The following ANKFN1 variants were observed in gnomAD, a reference collection of about 807,000 sequenced individuals.
ANKFN1 encodes the protein ankyrin repeat and fibronectin type-III domain-containing protein 1.
A neutral mutation model predicts 108.7 loss-of-function variants in ANKFN1; 74 were observed. The observed-to-expected ratio is 0.68, with a 90% CI of 0.56 to 0.83. The LOEUF is 0.83. Ranked by LOEUF, ANKFN1 falls within the 40% of genes least tolerant of loss-of-function variation. The pLI is 0.00. For synonymous variants in ANKFN1, 547 were observed against 516.2 expected (o/e 1.06, Z -0.81); for missense variants, 1,505 against 1,382.3 (o/e 1.09, Z -1.41).
intron 4 of ANKFN1, among the ~76,000 whole-genome samples, chr17:56,344,158 A>G (rs985809764): frequency 6.6e-6 from 1 of 151,982 alleles, no homozygotes; most frequent in African/African-American, 2.4e-5. Context: ...AGTTTTCTTG[A>G]AAACTAAGCA....
At chr17:56,482,887 C>T (rs1272070982) in intron 18 of ANKFN1, among the ~76,000 whole-genome samples, 1 of 152,022 alleles carries the variant, frequency 6.6e-6, no homozygotes, top group African/African-American at 2.4e-5. Flanking sequence ...TCTTTTTCCC[C>T]TTCCCTCTCT....
chr17:56,083,839 T>G (rs1567783551), intron 4 of ANKFN1, among the ~76,000 whole-genome samples: 1 of 151,530 alleles, frequency 6.6e-6, no homozygotes, highest in South Asian at 2.1e-4. Context: ...GAACTATGAA[T>G]AGCACTTGCC....
At chr17:56,212,230 T>C (rs1432016114) in intron 1 of ANKFN1, among the ~76,000 whole-genome samples, 3 of 152,154 alleles carry the variant, frequency 2.0e-5, no homozygotes, top group Non-Finnish European at 4.4e-5. Context: ...ATGATTTTGC[T>C]GAGGGTTTTA....
At chr17:56,333,881 T>G (rs1474135117) in intron 4 of ANKFN1, among the ~76,000 whole-genome samples, 1 of 152,110 alleles carries the variant, frequency 6.6e-6, no homozygotes, top group African/African-American at 2.4e-5. Flanking sequence ...TAATATCTCC[T>G]AAAGCCTGGT....
chr17:56,398,331 G>C (rs1220625545), intron 8 of ANKFN1, among the ~76,000 whole-genome samples: 4 of 152,086 alleles, frequency 2.6e-5, no homozygotes, highest in African/African-American at 9.7e-5. Flanking sequence ...TCTCAGTAAA[G>C]AAAACACATT....
At chr17:56,150,192 A>T (rs186737572), upstream of ANKFN1, among the ~76,000 whole-genome samples, 440 of 152,328 alleles carry the variant, frequency 2.9e-3, 2 homozygotes, top group Admixed American at 5.2e-3. Context: ...CAGCCCAGAA[A>T]CTAGATGTGG....
chr17:56,490,182 A>G (rs2145411304), intron 18 of ANKFN1, among the ~76,000 whole-genome samples: 1 of 152,364 alleles, frequency 6.6e-6, no homozygotes, highest in Admixed American at 6.5e-5. Flanking sequence ...AAGGCAGTAA[A>G]GTAAACACAT....
At chr17:56,256,121 T>C (rs1455788850) in intron 3 of ANKFN1, among the ~76,000 whole-genome samples, 1 of 152,206 alleles carries the variant, frequency 6.6e-6, no homozygotes, top group Non-Finnish European at 1.5e-5. Context: ...CTGAATTCCT[T>C]CATTTTCTAG....
At chr17:56,205,619 T>G (rs1914468788) in intron 1 of ANKFN1, among the ~76,000 whole-genome samples, 1 of 152,232 alleles carries the variant, frequency 6.6e-6, no homozygotes, top group South Asian at 2.1e-4. Context: ...TAACGAAAAG[T>G]GATACTATAG....
At chr17:56,341,554 T>C (rs930625814) in intron 4 of ANKFN1, among the ~76,000 whole-genome samples, 5 of 152,262 alleles carry the variant, frequency 3.3e-5, no homozygotes, top group African/African-American at 9.6e-5. Flanking sequence ...TTTCATCTAT[T>C]GAGATAATCA....
chr17:56,208,430 G>A (rs1335239218), intron 1 of ANKFN1, among the ~76,000 whole-genome samples: 1 of 152,104 alleles, frequency 6.6e-6, no homozygotes, highest in African/African-American at 2.4e-5. Context: ...CCCCCTCCCT[G>A]CCCCTCAAAA....
At chr17:56,108,196 C>T (rs1007999679) in intron 4 of ANKFN1, among the ~76,000 whole-genome samples, 9 of 152,104 alleles carry the variant, frequency 5.9e-5, no homozygotes, top group Non-Finnish European at 8.8e-5. Context: ...CCACCATGCC[C>T]GGCTAATTTT....
At chr17:56,270,299 C>G (rs2043759929) in intron 3 of ANKFN1, among the ~76,000 whole-genome samples, 1 of 152,168 alleles carries the variant, frequency 6.6e-6, no homozygotes, top group Non-Finnish European at 1.5e-5. Context: ...TTGCCCATGA[C>G]CAGGCCCATG....
chr17:56,231,043 G>A (rs529739027), intron 3 of ANKFN1, among the ~76,000 whole-genome samples: 72 of 152,116 alleles, frequency 4.7e-4, no homozygotes, highest in Non-Finnish European at 8.2e-4. Flanking sequence ...ATTGCATGGT[G>A]TGGCTAGGAT....
In ANKFN1 at chr17:56,189,179, T is replaced by TTTTTTTTTTGTTTTTTTTTG. The variant is rs1555607727; in HGVS notation, c.-70-23409_-70-23408insTTTTTTTTTGTTTTTTTTTG. Among the ~76,000 whole-genome samples, 139 of 111,376 alleles carry TTTTTTTTTTGTTTTTTTTTG rather than the reference T, an allele frequency of 1.2e-3. 10 individuals carry two copies. Among genetic ancestry groups the TTTTTTTTTTGTTTTTTTTTG allele is most frequent in the African/African-American group, 5.9e-3 (121 of 20,396 alleles). 73.1% of individuals were successfully genotyped at this position (111,376 alleles called of 152,430 possible). ...GTAAATGTTGCCCTGACTTTTTTTT[T>TTTTTTTTTTGTTTTTTTTTG]TTTTTTTTTGAGACGGAGTCTCGCT... is the stretch of plus-strand genomic sequence containing the variant. On this transcript the variant is annotated intron_variant, in intron 1 of 20. Coordinates refer to ENST00000682825, the MANE Select transcript of ANKFN1 (RefSeq NM_001370326.1).
chr17:56,360,546 A>G (rs919960318), intron 6 of ANKFN1, among the ~76,000 whole-genome samples: 1 of 152,090 alleles, frequency 6.6e-6, no homozygotes, highest in Non-Finnish European at 1.5e-5. Flanking sequence ...AAAGGACAGC[A>G]CCTCTCTCAT....
chr17:56,351,443 A>C (rs1226022166), intron 5 of ANKFN1, among the ~76,000 whole-genome samples: 1 of 112,816 alleles, frequency 8.9e-6, no homozygotes, highest in Non-Finnish European at 2.1e-5. Context: ...AGTAAGGGAA[A>C]AATATAAAAA....
In ANKFN1 at chr17:56,326,337, C is replaced by A. The variant is rs570672266; in HGVS notation, c.170C>A (p.Ala57Asp). ...TTACCAACAACTTGTTCCTCTGCTG[C>A]CTCGAACAGCATAAACTGGTAAGTC... ...GQLPTTCSSA[A>D]SNSINWNCRV... The change falls in exon 4 of 21, where the codon GCC (alanine) becomes GAC (aspartate). Residue 57 changes from alanine to aspartate, a missense_variant. By Grantham distance (126) the Ala-to-Asp change is moderately radical. Coordinates refer to ENST00000682825, the MANE Select transcript of ANKFN1 (RefSeq NM_001370326.1). The A allele has an allele frequency of 6.2e-7, 1 of 1,612,964 alleles. No homozygotes were observed. The highest frequency in any genetic ancestry group is 1.1e-5 in the South Asian group (1 of 90,798).
At chr17:56,237,477 T>G (rs1348700320) in intron 3 of ANKFN1, among the ~76,000 whole-genome samples, 1 of 152,194 alleles carries the variant, frequency 6.6e-6, no homozygotes, top group Non-Finnish European at 1.5e-5. Context: ...ATTGGTCTGT[T>G]CAGGGAATCA....
Sources: allele counts gnomAD v4.1 joint callset (sites outside exome capture counted in the v4.1 genomes callset), GRCh38; gene constraint gnomAD v4.1.1; transcripts MANE v1.5; gene names NCBI Gene and HGNC (gene_info 2026-07-23, HGNC 2026-07-21).